STXBP4: variants seen among roughly 807,000 people sequenced by gnomAD.
STXBP4 encodes syntaxin-binding protein 4.
In STXBP4, 55 loss-of-function variants were observed where a neutral mutation model predicts 76.1. The ratio of observed to expected loss-of-function variants is 0.72; its 90% CI spans 0.58 to 0.91. STXBP4 has a LOEUF of 0.91. STXBP4 is among the 40% of genes least tolerant of loss of function. The pLI is 0.00. For missense variants in STXBP4, 618 were observed against 636.9 expected (o/e 0.97, Z 0.32); for synonymous variants, 201 against 220.2 (o/e 0.91, Z 0.77).
the STXBP4 span, among the ~76,000 whole-genome samples, chr17:55,179,222 C>G: frequency 6.6e-6 from 1 of 151,984 alleles, no homozygotes. Context: ...GAGTTACTAC[C>G]ACTGGGACTA....
At chr17:55,182,267 A>T in the STXBP4 span, among the ~76,000 whole-genome samples, 1 of 152,218 alleles carries the variant, frequency 6.6e-6, no homozygotes, top group African/African-American at 2.4e-5. Flanking sequence ...ATTTTGGCAG[A>T]TAATTGGAAA....
chr17:54,974,671 G>T (rs2077444179), intron 1 of STXBP4, among the ~76,000 whole-genome samples: 1 of 152,210 alleles, frequency 6.6e-6, no homozygotes. Context: ...CTTAGCCCAG[G>T]AGGGTTCTTG....
At chr17:55,065,401 C>T (rs1416785695) in intron 12 of STXBP4, among the ~76,000 whole-genome samples, 2 of 152,110 alleles carry the variant, frequency 1.3e-5, no homozygotes, top group Admixed American at 1.3e-4. Flanking sequence ...TTAATTAAAT[C>T]TCTAAAGGTT....
chr17:54,996,120 C>G lies in STXBP4; in HGVS notation c.181-3225C>G, dbSNP rs1288912464. ...TAGGTAAGTAAAAGTGCTTTTTGAG[C>G]AAAAAGACACAACGATTAAGTAAAT... On this transcript the variant is annotated intron_variant, in intron 4 of 17. Transcript: ENST00000376352. Among the ~76,000 whole-genome samples the G allele has an allele frequency of 2.0e-5, 3 of 151,458 alleles. No homozygotes were observed. In the South Asian group the frequency reaches 6.3e-4, roughly 32 times the overall value.
downstream of STXBP4, among the ~76,000 whole-genome samples, chr17:55,176,218 C>T (rs977451802): frequency 6.6e-6 from 1 of 152,118 alleles, no homozygotes; most frequent in Non-Finnish European, 1.5e-5. Flanking sequence ...AAACTCAGCA[C>T]AGGGGAGGAA....
chr17:55,105,473 T>TTTC (rs2079621861), intron 16 of STXBP4, among the ~76,000 whole-genome samples: 1 of 80,196 alleles, frequency 1.2e-5, no homozygotes, highest in Non-Finnish European at 3.1e-5. Flanking sequence ...CTTTTCTTTT[T>TTTC]TTTTTTTTTT....
intron 1 of STXBP4, among the ~76,000 whole-genome samples, chr17:54,982,284 T>C (rs1047466985): frequency 6.6e-6 from 1 of 152,166 alleles, no homozygotes; most frequent in Non-Finnish European, 1.5e-5. Context: ...CCATATGCGT[T>C]ATGGACAGAT....
intron 16 of STXBP4, among the ~76,000 whole-genome samples, chr17:55,130,943 A>G (rs1048697362): frequency 9.2e-5 from 14 of 152,172 alleles, no homozygotes; most frequent in Non-Finnish European, 1.9e-4. Flanking sequence ...TGATGTTTCC[A>G]TGTCTTGGCT....
the STXBP4 span, among the ~76,000 whole-genome samples, chr17:55,199,267 G>A: frequency 6.6e-6 from 1 of 152,122 alleles, no homozygotes; most frequent in East Asian, 1.9e-4. Flanking sequence ...AAAACAGAAA[G>A]CACAACAGAA....
chr17:55,022,522 T>G (rs1567723352), intron 8 of STXBP4, among the ~76,000 whole-genome samples: 1 of 152,194 alleles, frequency 6.6e-6, no homozygotes, highest in African/African-American at 2.4e-5. Context: ...GACAAAAAGT[T>G]GTTTCCTGGT....
intron 12 of STXBP4, among the ~76,000 whole-genome samples, chr17:55,066,357 G>A (rs560327501): frequency 1.1e-4 from 16 of 152,010 alleles, no homozygotes; most frequent in African/African-American, 2.4e-4. Context: ...CCAAGTAGCC[G>A]GGGTTACAGG....
intron 4 of STXBP4, among the ~76,000 whole-genome samples, chr17:54,997,790 G>C (rs965591741): frequency 2.2e-5 from 3 of 134,522 alleles, no homozygotes; most frequent in Non-Finnish European, 4.7e-5. Context: ...GTCTAACTAT[G>C]TTGCCCAGGC....
intron 17 of STXBP4, among the ~76,000 whole-genome samples, chr17:55,148,196 A>G (rs1408045741): frequency 6.6e-6 from 1 of 152,196 alleles, no homozygotes; most frequent in Non-Finnish European, 1.5e-5. Context: ...TACTTGGGTT[A>G]AGACAGCCAG....
chr17:55,104,094 T>A (rs1567763760), intron 16 of STXBP4, among the ~76,000 whole-genome samples: 2 of 152,222 alleles, frequency 1.3e-5, no homozygotes, highest in Admixed American at 1.3e-4. Context: ...TGACTTCCTC[T>A]ATTCCTATTC....
At chr17:54,972,567 CAT>C (rs1418891851) in intron 1 of STXBP4, among the ~76,000 whole-genome samples, 4 of 152,180 alleles carry the variant, frequency 2.6e-5, no homozygotes, top group Admixed American at 2.6e-4. Flanking sequence ...CCCTTTATGA[CAT>C]GTTTCCATCA....
chr17:55,098,987 C>CAATTTAAT (rs2145007096), intron 16 of STXBP4, among the ~76,000 whole-genome samples: 1 of 152,256 alleles, frequency 6.6e-6, no homozygotes, highest in Admixed American at 6.5e-5. Flanking sequence ...TTAGTAAGCA[C>CAATTTAAT]ATTTAATATT....
chr17:55,174,578 G>C (rs1435047839), downstream of STXBP4, among the ~76,000 whole-genome samples: 1 of 152,042 alleles, frequency 6.6e-6, no homozygotes, highest in Non-Finnish European at 1.5e-5. Flanking sequence ...CTTTATTCTG[G>C]ATACAAGTCC....
chr17:55,154,294 C>T (rs1440681445), intron 17 of STXBP4, among the ~76,000 whole-genome samples: 1 of 152,166 alleles, frequency 6.6e-6, no homozygotes, highest in Non-Finnish European at 1.5e-5. Context: ...AGGAACTAAT[C>T]ACATGCTCAC....
chr17:55,153,966 T>C (rs930084301), intron 17 of STXBP4, among the ~76,000 whole-genome samples: 6 of 152,208 alleles, frequency 3.9e-5, no homozygotes, highest in African/African-American at 1.2e-4. Context: ...GTAGTAGTCA[T>C]GGCTTCCTCT....
Sources: gnomAD v4.1 joint callset for allele counts (sites outside exome capture counted in the v4.1 genomes callset) on GRCh38, gnomAD v4.1.1 for gene constraint, MANE v1.5 for transcripts, NCBI Gene and HGNC (gene_info 2026-07-23, HGNC 2026-07-21) for gene names.